MACROD2: variants seen among roughly 807,000 people sequenced by gnomAD.
MACROD2 encodes ADP-ribose glycohydrolase MACROD2.
A neutral mutation model predicts 70.4 loss-of-function variants in MACROD2; 36 were observed. That is an observed-to-expected ratio of 0.51 (90% CI 0.39 to 0.68). The LOEUF is 0.68. Among genes scored for constraint, MACROD2 ranks in the 30% least tolerant of loss-of-function variants. MACROD2 has a pLI of 0.00. For synonymous variants in MACROD2, 172 were observed against 178.8 expected (o/e 0.96, Z 0.30); for missense variants, 496 against 538.4 (o/e 0.92, Z 0.78).
intron 3 of MACROD2, among the ~76,000 whole-genome samples, chr20:14,226,518 G>C (rs1601371347): frequency 1.3e-5 from 2 of 152,158 alleles, no homozygotes; most frequent in African/African-American, 4.8e-5. Context: ...AGGGAGGCGC[G>C]AGCGGGAACC....
chr20:15,571,486 A>G (rs1256124252), intron 8 of MACROD2, among the ~76,000 whole-genome samples: 2 of 152,076 alleles, frequency 1.3e-5, no homozygotes, highest in Non-Finnish European at 2.9e-5. Flanking sequence ...TGCATTACAA[A>G]TATCTAGTTT....
chr20:15,566,428 G>A (rs1271925843), intron 8 of MACROD2, among the ~76,000 whole-genome samples: 6 of 152,090 alleles, frequency 3.9e-5, no homozygotes, highest in African/African-American at 1.4e-4. Flanking sequence ...AACCCGGGAG[G>A]AGGAGGTTGC....
At chr20:14,940,588 T>G (rs2093866) in intron 5 of MACROD2, among the ~76,000 whole-genome samples, 148,047 of 152,226 alleles carry the variant, frequency 0.97, 72,026 homozygotes, top group East Asian at 1. Flanking sequence ...TATGCAGTTT[T>G]TGGAGCATTT....
chr20:14,978,181 G>A (rs1028458783), intron 5 of MACROD2, among the ~76,000 whole-genome samples: 2 of 152,050 alleles, frequency 1.3e-5, no homozygotes, highest in Non-Finnish European at 2.9e-5. Context: ...TAAGTGAGAA[G>A]CTAATTTACC....
chr20:14,370,611 T>A (rs565771556), intron 3 of MACROD2, among the ~76,000 whole-genome samples: 2 of 152,270 alleles, frequency 1.3e-5, no homozygotes, highest in South Asian at 4.1e-4. Context: ...TTAATTAAAT[T>A]TGCTGGGCTG....
At chr20:14,678,258 T>A (rs2070886974) in intron 4 of MACROD2, among the ~76,000 whole-genome samples, 1 of 152,086 alleles carries the variant, frequency 6.6e-6, no homozygotes, top group Non-Finnish European at 1.5e-5. Context: ...AATAGTTATA[T>A]CACTTTTACT....
chr20:15,834,233 G>A (rs1027388437), intron 8 of MACROD2, among the ~76,000 whole-genome samples: 4 of 152,034 alleles, frequency 2.6e-5, no homozygotes, highest in South Asian at 2.1e-4. Context: ...CCAGCTACTC[G>A]GGAGGCTGAG....
chr20:15,018,000 G>A (rs866328374), intron 5 of MACROD2, among the ~76,000 whole-genome samples: 7 of 152,304 alleles, frequency 4.6e-5, no homozygotes, highest in African/African-American at 1.7e-4. Flanking sequence ...GTGGTCTTGG[G>A]AAATAATATT....
intron 8 of MACROD2, among the ~76,000 whole-genome samples, chr20:15,629,168 T>C (rs1449742016): frequency 6.6e-6 from 1 of 152,220 alleles, no homozygotes; most frequent in African/African-American, 2.4e-5. Context: ...CAGGATATGC[T>C]TCTGTTAGCT....
intron 3 of MACROD2, among the ~76,000 whole-genome samples, chr20:14,253,669 A>G (rs1368627959): frequency 6.6e-6 from 1 of 152,100 alleles, no homozygotes; most frequent in Non-Finnish European, 1.5e-5. Flanking sequence ...TTGATCTACA[A>G]TTAGAATGTT....
intron 3 of MACROD2, among the ~76,000 whole-genome samples, chr20:14,219,032 T>C (rs2081647617): frequency 1.3e-5 from 2 of 152,242 alleles, no homozygotes; most frequent in Non-Finnish European, 2.9e-5. Flanking sequence ...CTTTTTGTGA[T>C]GAATTTCCTG....
chr20:15,392,969 T>C (rs979668842), intron 6 of MACROD2, among the ~76,000 whole-genome samples: 1 of 152,088 alleles, frequency 6.6e-6, no homozygotes, highest in Admixed American at 6.5e-5. Context: ...GCTAAGAGGG[T>C]TTGAGAAGCA....
chr20:14,416,954 T>A (rs1390898655), intron 3 of MACROD2, among the ~76,000 whole-genome samples: 1 of 152,288 alleles, frequency 6.6e-6, no homozygotes, highest in East Asian at 1.9e-4. Flanking sequence ...TTAGTTTGGC[T>A]TCAAAAACTT....
At chr20:14,573,325 G>C (rs1980344374) in intron 4 of MACROD2, among the ~76,000 whole-genome samples, 1 of 152,130 alleles carries the variant, frequency 6.6e-6, no homozygotes, top group Admixed American at 6.6e-5. Flanking sequence ...AGTGATTTCT[G>C]TCTGTTTCAT....
intron 3 of MACROD2, among the ~76,000 whole-genome samples, chr20:14,455,859 T>C (rs560798603): frequency 4.3e-4 from 66 of 151,812 alleles, no homozygotes; most frequent in Non-Finnish European, 6.0e-4. Flanking sequence ...TTTTTTGTTT[T>C]TAACTGTACA....
chr20:14,887,225 G>A (rs1465860245), intron 5 of MACROD2, among the ~76,000 whole-genome samples: 4 of 152,030 alleles, frequency 2.6e-5, no homozygotes, highest in African/African-American at 9.7e-5. Flanking sequence ...ACTAATGCTA[G>A]GGATGGAGAT....
In MACROD2 at chr20:14,951,307, G is replaced by A. The variant is rs541236760; in HGVS notation, c.418+266348G>A. Reference sequence around the variant, plus strand: ...GGTATCAAGTAGGTAACTGGCCATGGATGTAAATGCAGGAAGCTGGTTATG... The same window carrying A: ...GGTATCAAGTAGGTAACTGGCCATGAATGTAAATGCAGGAAGCTGGTTATG... On this transcript the variant is annotated intron_variant, in intron 5 of 17. Coordinates refer to ENST00000684519, the MANE Select transcript of MACROD2 (RefSeq NM_001351661.2). 7.8e-4 allele frequency among the ~76,000 whole-genome samples: 119 copies of A among 152,160 alleles called. 1 individual carries two copies. Among genetic ancestry groups the A allele is most frequent in the Middle Eastern group, 3.4e-3 (1 of 294 alleles).
At chr20:15,583,747 G>A (rs2048558977) in intron 8 of MACROD2, among the ~76,000 whole-genome samples, 1 of 152,150 alleles carries the variant, frequency 6.6e-6, no homozygotes. Context: ...GAGTTCAAGT[G>A]ATTTTCCTGC....
chr20:15,470,300 A>G (rs575766393), intron 7 of MACROD2, among the ~76,000 whole-genome samples: 177 of 152,188 alleles, frequency 1.2e-3, no homozygotes, highest in South Asian at 9.8e-3. Context: ...CTGCCTGCCT[A>G]TGCCTCCTAA....
Sources: allele counts gnomAD v4.1 joint callset (sites outside exome capture counted in the v4.1 genomes callset), GRCh38; gene constraint gnomAD v4.1.1; transcripts MANE v1.5; gene names NCBI Gene and HGNC (gene_info 2026-07-23, HGNC 2026-07-21).